URB1: variants seen among roughly 807,000 people sequenced by gnomAD.
URB1 encodes the protein URB1 ribosome biogenesis factor, also known as nucleolar pre-ribosomal-associated protein 1.
In URB1, 197 loss-of-function variants were observed where a neutral mutation model predicts 242.3. That is an observed-to-expected ratio of 0.81 (90% CI 0.72 to 0.91). The LOEUF is 0.91. Among genes scored for constraint, URB1 ranks in the 40% least tolerant of loss-of-function variants. The probability of loss-of-function intolerance (pLI) is 0.00; values close to 1 mark genes in which losing one functional copy is unlikely to be tolerated. For missense variants in URB1, 2,721 were observed against 2,860.5 expected, an observed-to-expected ratio of 0.95 and a Z score of 1.11; for synonymous variants, 1,153 against 1,201.8, an observed-to-expected ratio of 0.96 and a Z score of 0.84.
intron 34 of URB1, 101 bp downstream of exon 34, chr21:32,321,700 C>G: frequency 6.7e-7 from 1 of 1,495,966 alleles, no homozygotes; most frequent in Non-Finnish European, 9.0e-7. Flanking sequence ...TCGGTCGTGT[C>G]CAGGCTGGGA....
chr21:32,317,727 G>A lies in URB1; in HGVS notation c.5983C>T (p.Gln1995Ter), dbSNP rs1342747068. 6.4e-7 allele frequency: 1 copy of A among 1,551,794 alleles called. No individual in the cohort carries two copies. The highest frequency in any genetic ancestry group is 8.7e-7 in the Non-Finnish European group (1 of 1,147,026). ...TCAATGGCTGCTCTCAGGTCTTCCTGGAGCTTGAGGTCTCTTTCAATGAGG... is the reference window on the plus strand; with the variant it reads ...TCAATGGCTGCTCTCAGGTCTTCCTAGAGCTTGAGGTCTCTTTCAATGAGG... Reference protein sequence around the residue: ...WSLIERDLKLQEDLRAAIEKA... With the variant: ...WSLIERDLKL Residue 1995 changes from glutamine to a stop codon, truncating the protein, a stop_gained, in exon 37 of 39, where the codon CAG becomes TAG. Transcript: ENST00000382751. LOFTEE classifies it high-confidence loss of function.
chr21:32,345,904 AAAGCCAT>A (rs2033081512), intron 22 of URB1, among the ~76,000 whole-genome samples: 1 of 152,134 alleles, frequency 6.6e-6, no homozygotes, highest in Admixed American at 6.5e-5. Flanking sequence ...TTCATTCTTC[AAAGCCAT>A]GGAATAGGGA....
intron 33 of URB1, 95 bp from the exon 34 acceptor site, chr21:32,322,039 G>A: frequency 7.0e-7 from 1 of 1,423,076 alleles, no homozygotes; most frequent in Non-Finnish European, 9.5e-7. Flanking sequence ...GGTGGCAAAA[G>A]TTGTAACACA....
At chr21:32,364,529 T>G (rs1348254899) in intron 10 of URB1, among the ~76,000 whole-genome samples, 1 of 152,164 alleles carries the variant, frequency 6.6e-6, no homozygotes, top group East Asian at 1.9e-4. Context: ...GCGGCTTCAC[T>G]CTGTGTACAC....
rs1478153243 is a variant in URB1, at chr21:32,313,656, T to G, written c.*1262A>C. ...AAAGAACACTGGTGGAAAATAGAAG[T>G]GTAAATGTTTCAGACAAAACCAAGG... On this transcript the variant is annotated 3_prime_UTR_variant, in exon 39 of 39. Coordinates refer to ENST00000382751, the MANE Select transcript of URB1 (RefSeq NM_014825.3). 1 of 152,216 alleles carries G rather than the reference T, an allele frequency of 6.6e-6. No individual in the cohort carries two copies. Among genetic ancestry groups the G allele is most frequent in the Non-Finnish European group, 1.5e-5 (1 of 68,040 alleles). 9.4% of individuals were successfully genotyped at this position (152,216 alleles called of 1,614,324 possible).
At position 32,355,559 on chromosome 21, in the gene URB1, G is replaced by T. The variant is rs371125131; in HGVS notation, c.1996C>A (p.Arg666=). 1 of 1,551,322 alleles carries T rather than the reference G, an allele frequency of 6.4e-7. No homozygotes were observed. The highest frequency in any genetic ancestry group is 1.4e-5 in the African/African-American group (1 of 73,008). ...GTGTGCTCAAACACCCCCGTGTCCCGCAGAATCTGCCAGGAAGTAGGCACC... is the reference window on the plus strand; with the variant it reads ...GTGTGCTCAAACACCCCCGTGTCCCTCAGAATCTGCCAGGAAGTAGGCACC... ...LTKLLIMKIL[R]DTGVFEHTWK... is the part of the protein sequence containing the mutation. Residue 666 remains arginine, a synonymous_variant, in exon 16 of 39, where the codon CGG becomes AGG. Coordinates refer to ENST00000382751, the MANE Select transcript of URB1 (RefSeq NM_014825.3).
intron 5 of URB1, among the ~76,000 whole-genome samples, chr21:32,377,812 A>G (rs535540529): frequency 8.5e-5 from 13 of 152,290 alleles, no homozygotes; most frequent in Admixed American, 7.8e-4. Flanking sequence ...CGGCCAGGAC[A>G]TGGGACTGCT....
At chr21:32,360,655 C>G (rs1034651556) in intron 13 of URB1, among the ~76,000 whole-genome samples, 1 of 152,142 alleles carries the variant, frequency 6.6e-6, no homozygotes, top group African/African-American at 2.4e-5. Context: ...AACAGGATGT[C>G]CCTTCTGCAG....
At position 32,320,897 on chromosome 21, in the gene URB1, C is replaced by T. The variant is rs780795867; in HGVS notation, c.5485-257G>A. On this transcript the variant is annotated intron_variant, in intron 34 of 38. Coordinates refer to ENST00000382751, the MANE Select transcript of URB1 (RefSeq NM_014825.3). Reference sequence around the variant, plus strand: ...TTCCGTTAATCCATCATCTGGAACCCACCCACAAGCAAAGATGCACCACAG... The same window carrying T: ...TTCCGTTAATCCATCATCTGGAACCTACCCACAAGCAAAGATGCACCACAG... Among the ~76,000 whole-genome samples, 170 of 152,290 alleles carry T rather than the reference C, an allele frequency of 1.1e-3. 2 individuals carry two copies. The highest frequency in any genetic ancestry group is 1.4e-3 in the Admixed American group (21 of 15,306).
In URB1 at chr21:32,361,753, T is replaced by C. The variant is rs145694935; in HGVS notation, c.1639+139A>G. ...ATTCTTCTCCCTAAGCAAAAAAGGA[T>C]ATAGACACATTCACAGCCAGAGGTG... On this transcript the variant is annotated intron_variant, in intron 12 of 38. Coordinates refer to ENST00000382751, the MANE Select transcript of URB1 (RefSeq NM_014825.3). 298 of 1,239,658 alleles carry C rather than the reference T, an allele frequency of 2.4e-4. 2 individuals are homozygous for C. In the African/African-American group the frequency reaches 3.9e-3, roughly 16 times the overall value. The allele number at this position is 1,239,658 out of a possible 1,614,324, so 76.8% of individuals were successfully genotyped here.
chr21:32,357,484 G>A, intron 15 of URB1, 53 bp downstream of exon 15: 1 of 1,418,284 alleles, frequency 7.1e-7, no homozygotes, highest in Non-Finnish European at 9.2e-7. Context: ...TTACCATAAG[G>A]AAGATCTATA....
chr21:32,334,222 C>A lies in URB1; in HGVS notation c.4798G>T (p.Asp1600Tyr), dbSNP rs960052940. Residue 1600 changes from aspartate to tyrosine, a missense_variant, in exon 29 of 39, where the codon GAC becomes TAC. Physicochemically the swap from Asp to Tyr is radical, Grantham distance 160. Coordinates refer to ENST00000382751, the MANE Select transcript of URB1 (RefSeq NM_014825.3). ...VGDILRLLDR[D>Y]RMMQTILHFP... ...TGCAGGATGGTCTGCATCATCCGGT[C>A]CCGGTCCAGCAGGCGAAGGATGTCC... 3.2e-6 allele frequency: 5 copies of A among 1,551,526 alleles called. No homozygotes were observed. The highest frequency in any genetic ancestry group is 2.0e-5 in the Admixed American group (1 of 51,008).
At chr21:32,330,970 G>T (rs1419082786) in intron 30 of URB1, among the ~76,000 whole-genome samples, 1 of 152,178 alleles carries the variant, frequency 6.6e-6, no homozygotes, top group Non-Finnish European at 1.5e-5. Flanking sequence ...TTTTAAAAGG[G>T]ATACAAAGGG....
In URB1 at chr21:32,352,749, G is replaced by T; in HGVS notation, c.2574C>A (p.Tyr858Ter). 6.4e-7 allele frequency: 1 copy of T among 1,551,660 alleles called. No homozygotes were observed. The highest frequency in any genetic ancestry group is 8.7e-7 in the Non-Finnish European group (1 of 1,146,980). Residue 858 changes from tyrosine (Y) to a stop codon, truncating the protein, a stop_gained, in exon 19 of 39, where the codon TAC (tyrosine) becomes TAA (stop). Coordinates refer to ENST00000382751, the MANE Select transcript of URB1 (RefSeq NM_014825.3). LOFTEE classifies it high-confidence loss of function. The part of the protein sequence containing the change: ...CCQQLSRFNR[Y>*]YSLWIPEQAR... ...CTTGCTCCGGGATCCAGAGGCTGTA[G>T]TATCTGTTAAACCGTGAGAGCTGCT... is the stretch of plus-strand genomic sequence containing the variant.
chr21:32,341,338 T>G (rs1243441397), intron 25 of URB1, 128 bp downstream of exon 25: 2 of 883,462 alleles, frequency 2.3e-6, no homozygotes, highest in African/African-American at 3.4e-5. Context: ...AACTTCTATC[T>G]CTAAAAACGA....
At chr21:32,316,338 A>G in intron 38 of URB1, 128 bp downstream of exon 38, 1 of 1,388,070 alleles carries the variant, frequency 7.2e-7, no homozygotes. Flanking sequence ...GGGGCCACCT[A>G]AACAAGCACA....
intron 20 of URB1, 97 bp downstream of exon 20, chr21:32,350,607 G>A (rs1349018272): frequency 8.7e-6 from 12 of 1,377,502 alleles, no homozygotes; most frequent in Non-Finnish European, 1.1e-5. Flanking sequence ...GAGTTCCAGG[G>A]AGCAAGAGTG....
intron 5 of URB1, among the ~76,000 whole-genome samples, chr21:32,376,958 A>G: frequency 6.6e-6 from 1 of 152,126 alleles, no homozygotes; most frequent in Non-Finnish European, 1.5e-5. Context: ...CACGACGGCC[A>G]GCCTCCAGAG....
chr21:32,368,524 A>C lies in URB1; in HGVS notation c.1076T>G (p.Leu359Arg). 6.4e-7 allele frequency: 1 copy of C among 1,551,802 alleles called. No homozygotes were observed. Among genetic ancestry groups the C allele is most frequent in the Non-Finnish European group, 8.7e-7 (1 of 1,147,022 alleles). Residue 359 changes from leucine to arginine, a missense_variant, in exon 9 of 39, where the codon CTT becomes CGT. Transcript: ENST00000382751. ...GCACACTTTGAGGATGTTTACCACA[A>C]GGTCAGCCACCAGATCATCATCAGC... is the stretch of plus-strand genomic sequence containing the variant. Reference protein sequence around the residue: ...TAADDDLVADLVVNILKVCPD... With the variant: ...TAADDDLVADRVVNILKVCPD...
Sources: gnomAD v4.1 joint callset for allele counts (sites outside exome capture counted in the v4.1 genomes callset) on GRCh38, gnomAD v4.1.1 for gene constraint, MANE v1.5 for transcripts, NCBI Gene and HGNC (gene_info 2026-07-23, HGNC 2026-07-21) for gene names.